SLC35D4: variants seen among roughly 807,000 people sequenced by gnomAD.
The protein encoded by SLC35D4 is UDP-N-acetylglucosamine transporter SLC35D4.
chr18:23,351,601 G>T, the SLC35D4 span, among the ~76,000 whole-genome samples: 8 of 152,126 alleles, frequency 5.3e-5, no homozygotes, highest in Non-Finnish European at 4.4e-5. Context: ...TAATTAAGGA[G>T]GCTTACTCCT....
the SLC35D4 span, among the ~76,000 whole-genome samples, chr18:23,272,656 C>T: frequency 5.9e-5 from 9 of 152,038 alleles, no homozygotes; most frequent in Non-Finnish European, 1.3e-4. Context: ...CTTTTATCCT[C>T]GCACTCAGCC....
chr18:23,384,590 T>C, the SLC35D4 span, among the ~76,000 whole-genome samples: 1 of 152,190 alleles, frequency 6.6e-6, no homozygotes, highest in Admixed American at 6.5e-5. Flanking sequence ...GTATGAGGTA[T>C]AGCTGATATT....
the SLC35D4 span, among the ~76,000 whole-genome samples, chr18:23,348,382 T>G: frequency 6.6e-6 from 1 of 152,352 alleles, no homozygotes; most frequent in Non-Finnish European, 1.5e-5. Flanking sequence ...TCTATGTACT[T>G]CTATATTCAC....
chr18:23,291,923 G>A, the SLC35D4 span, among the ~76,000 whole-genome samples: 1 of 152,206 alleles, frequency 6.6e-6, no homozygotes, highest in Admixed American at 6.5e-5. Flanking sequence ...GGGACATTGG[G>A]TGGGGCCAGG....
At chr18:23,298,195 GC>G in the SLC35D4 span, 1 of 1,044,594 alleles carries the variant, frequency 9.6e-7, no homozygotes, top group Non-Finnish European at 1.4e-6. Flanking sequence ...AGCCCGAACT[GC>G]CATGCTTCCA....
chr18:23,325,146 ACCC>A, the SLC35D4 span, among the ~76,000 whole-genome samples: 2 of 152,044 alleles, frequency 1.3e-5, no homozygotes, highest in Non-Finnish European at 2.9e-5. Flanking sequence ...CCTCAGGCAG[ACCC>A]ATCCCCATCT....
At chr18:23,312,096 G>A in the SLC35D4 span, among the ~76,000 whole-genome samples, 1 of 152,208 alleles carries the variant, frequency 6.6e-6, no homozygotes, top group Non-Finnish European at 1.5e-5. Context: ...TTTACCCGCT[G>A]TTCAAGGCCT....
chr18:23,295,958 A>AT, the SLC35D4 span: 1 of 152,178 alleles, frequency 6.6e-6, no homozygotes. Flanking sequence ...AGAAATATTT[A>AT]TAGTTAGTCA....
chr18:23,382,670 C>T, the SLC35D4 span, among the ~76,000 whole-genome samples: 2 of 152,178 alleles, frequency 1.3e-5, no homozygotes, highest in Admixed American at 1.3e-4. Context: ...AACTGACGGA[C>T]TATGGAAACT....
chr18:23,397,002 C>T, the SLC35D4 span, among the ~76,000 whole-genome samples: 23 of 152,246 alleles, frequency 1.5e-4, 1 homozygote, highest in South Asian at 4.8e-3. Context: ...CTGCAGAACT[C>T]CCCAACTGCC....
the SLC35D4 span, among the ~76,000 whole-genome samples, chr18:23,382,778 C>T: frequency 6.6e-6 from 1 of 152,242 alleles, no homozygotes; most frequent in South Asian, 2.1e-4. Context: ...AGGCCTCCAC[C>T]TCCCAGCTTT....
chr18:23,381,016 A>G, the SLC35D4 span, among the ~76,000 whole-genome samples: 1 of 152,238 alleles, frequency 6.6e-6, no homozygotes, highest in Non-Finnish European at 1.5e-5. Flanking sequence ...GGTGGCGTGC[A>G]AGTGTGTTCC....
At chr18:23,379,179 G>A in the SLC35D4 span, among the ~76,000 whole-genome samples, 12 of 150,710 alleles carry the variant, frequency 8.0e-5, no homozygotes, top group African/African-American at 2.2e-4. Context: ...GATGGAGTGC[G>A]GTGGCGTGAT....
the SLC35D4 span, chr18:23,253,636 A>G: frequency 9.4e-7 from 1 of 1,065,780 alleles, no homozygotes; most frequent in Non-Finnish European, 1.4e-6. Flanking sequence ...TGGGAAAGAG[A>G]AAGAGAAAAA....
chr18:23,402,145 G>A, the SLC35D4 span, among the ~76,000 whole-genome samples: 4 of 152,156 alleles, frequency 2.6e-5, 1 homozygote, highest in Admixed American at 2.0e-4. Flanking sequence ...TCAGTGTGAC[G>A]GCTGTCTTTC....
the SLC35D4 span, among the ~76,000 whole-genome samples, chr18:23,354,277 G>A: frequency 5.4e-5 from 8 of 148,530 alleles, no homozygotes; most frequent in African/African-American, 7.5e-5. Context: ...CGAGGCGGGC[G>A]GATCACGAGG....
At chr18:23,367,368 C>A in the SLC35D4 span, among the ~76,000 whole-genome samples, 1 of 152,112 alleles carries the variant, frequency 6.6e-6, no homozygotes, top group Non-Finnish European at 1.5e-5. Context: ...CAATCAGCCA[C>A]CTGGATGGCA....
the SLC35D4 span, among the ~76,000 whole-genome samples, chr18:23,276,241 A>C: frequency 7.9e-5 from 12 of 151,918 alleles, no homozygotes; most frequent in Middle Eastern, 3.4e-3. Flanking sequence ...GCACCCACCA[A>C]AACGTCCGGC....
chr18:23,259,203 T>C, the SLC35D4 span: 1 of 152,382 alleles, frequency 6.6e-6, no homozygotes, highest in Non-Finnish European at 1.5e-5. Context: ...GCCATCCACC[T>C]TCCTGGTCAG....
Sources: allele counts gnomAD v4.1 joint callset (sites outside exome capture counted in the v4.1 genomes callset), GRCh38; gene constraint gnomAD v4.1.1; transcripts MANE v1.5; gene names NCBI Gene and HGNC (gene_info 2026-07-23, HGNC 2026-07-21).